NCAM1: variants seen among roughly 807,000 people sequenced by gnomAD.
NCAM1 encodes the protein antigen recognized by monoclonal antibody 5.1H11.
NCAM1 carries 14 observed loss-of-function variants against 109.8 expected under a neutral mutation model. The ratio of observed to expected loss-of-function variants is 0.13; its 90% CI spans 0.08 to 0.20. NCAM1 has a LOEUF of 0.20. Among genes scored for constraint, NCAM1 ranks in the 10% least tolerant of loss-of-function variants. The pLI, the probability that NCAM1 is intolerant of heterozygous loss-of-function variation, is 1.00. For synonymous variants in NCAM1, 418 were observed against 442.9 expected (o/e 0.94, Z 0.70); for missense variants, 774 against 1,109.9 (o/e 0.70, Z 4.30).
intron 1 of NCAM1, among the ~76,000 whole-genome samples, chr11:113,016,875 C>G (rs1255818402): frequency 6.6e-6 from 1 of 152,204 alleles, no homozygotes. Flanking sequence ...GAAATTATTT[C>G]TGCATGCACC....
At chr11:113,246,664 T>C (rs911055954) in intron 15 of NCAM1, among the ~76,000 whole-genome samples, 4 of 152,252 alleles carry the variant, frequency 2.6e-5, no homozygotes, top group African/African-American at 9.6e-5. Context: ...TTTTACCAGA[T>C]GGTTCATAAA....
intron 1 of NCAM1, among the ~76,000 whole-genome samples, chr11:113,168,323 T>C (rs1454280864): frequency 6.6e-6 from 1 of 152,222 alleles, no homozygotes; most frequent in African/African-American, 2.4e-5. Context: ...CAATTCACTT[T>C]TACTGCTTTT....
Position 113,200,999 on chromosome 11 carries a change from G to A in NCAM1, c.53-1380G>A, listed in dbSNP as rs143454850. Reference sequence around the variant, plus strand: ...CCCTCTGATTTTCACAGATGACAGCGTCAGCATCTTCCCCCTGCCTCTGCC... The same window carrying A: ...CCCTCTGATTTTCACAGATGACAGCATCAGCATCTTCCCCCTGCCTCTGCC... On this transcript the variant is annotated intron_variant, in intron 1 of 19. Transcript: ENST00000316851. Among the ~76,000 whole-genome samples the A allele has an allele frequency of 2.3e-3, 356 of 152,138 alleles. 5 individuals carry two copies. The highest frequency in any genetic ancestry group is 7.9e-3 in the African/African-American group (329 of 41,488).
At chr11:113,262,696 G>A in intron 17 of NCAM1, 7 of 800,608 alleles carry the variant, frequency 8.7e-6, no homozygotes, top group South Asian at 4.7e-5. Flanking sequence ...CTCTGTTTCT[G>A]TCTCTACCTT....
intron 14 of NCAM1, among the ~76,000 whole-genome samples, chr11:113,237,923 GATAT>G (rs1456993954): frequency 6.9e-4 from 15 of 21,780 alleles, no homozygotes; most frequent in Admixed American, 2.1e-3. Flanking sequence ...TAGATATATA[GATAT>G]AGATATATAG....
chr11:113,091,326 A>G (rs970746850), intron 1 of NCAM1, among the ~76,000 whole-genome samples: 1 of 152,114 alleles, frequency 6.6e-6, no homozygotes, highest in African/African-American at 2.4e-5. Flanking sequence ...GCTTTCTGCC[A>G]GGGATATCTT....
intron 7 of NCAM1, among the ~76,000 whole-genome samples, chr11:113,213,993 T>C (rs1441837127): frequency 2.0e-5 from 3 of 152,182 alleles, no homozygotes; most frequent in Non-Finnish European, 2.9e-5. Context: ...TTTTATTCAG[T>C]CAGTTTCCTA....
chr11:113,049,538 G>T (rs142001789), intron 1 of NCAM1, among the ~76,000 whole-genome samples: 1 of 152,154 alleles, frequency 6.6e-6, no homozygotes, highest in African/African-American at 2.4e-5. Context: ...TTTGAGCCAG[G>T]GTGATGATTC....
intron 1 of NCAM1, among the ~76,000 whole-genome samples, chr11:113,171,300 A>T (rs1460756194): frequency 6.6e-6 from 1 of 152,146 alleles, no homozygotes; most frequent in East Asian, 1.9e-4. Flanking sequence ...TTCCCAAAGG[A>T]TAGTTTGGGG....
intron 1 of NCAM1, among the ~76,000 whole-genome samples, chr11:113,153,960 A>G (rs1179772264): frequency 6.6e-6 from 1 of 152,264 alleles, no homozygotes; most frequent in Non-Finnish European, 1.5e-5. Flanking sequence ...TTGAACAAAT[A>G]TTTATTGAGC....
chr11:113,110,472 T>A (rs539735536), intron 1 of NCAM1, among the ~76,000 whole-genome samples: 1 of 152,276 alleles, frequency 6.6e-6, no homozygotes, highest in South Asian at 2.1e-4. Flanking sequence ...TCCCCTAAAT[T>A]CATGCCCTAT....
At chr11:113,229,627 T>C (rs531662014) in intron 9 of NCAM1, among the ~76,000 whole-genome samples, 5 of 152,214 alleles carry the variant, frequency 3.3e-5, no homozygotes, top group Non-Finnish European at 5.9e-5. Flanking sequence ...TAAAGACACA[T>C]GCACACGTAT....
chr11:112,968,643 G>A (rs779006125), intron 1 of NCAM1, among the ~76,000 whole-genome samples: 6 of 152,130 alleles, frequency 3.9e-5, no homozygotes, highest in Non-Finnish European at 8.8e-5. Flanking sequence ...TAGTAGTACA[G>A]AGAAATATAG....
At chr11:113,184,325 A>C (rs1256383916) in intron 1 of NCAM1, among the ~76,000 whole-genome samples, 3 of 152,322 alleles carry the variant, frequency 2.0e-5, no homozygotes, top group Non-Finnish European at 4.4e-5. Flanking sequence ...GCACCTGTAG[A>C]GGTTTAAAAT....
chr11:113,234,107 T>C (rs1945091547), intron 13 of NCAM1, among the ~76,000 whole-genome samples: 1 of 151,942 alleles, frequency 6.6e-6, no homozygotes, highest in South Asian at 2.1e-4. Flanking sequence ...CTTCTTCAGC[T>C]TCTCGGGGGA....
At chr11:113,226,486 A>C (rs1944849316) in intron 9 of NCAM1, among the ~76,000 whole-genome samples, 1 of 152,202 alleles carries the variant, frequency 6.6e-6, no homozygotes, top group South Asian at 2.1e-4. Context: ...ATAATGGGAG[A>C]CTTTAACACC....
intron 1 of NCAM1, among the ~76,000 whole-genome samples, chr11:113,150,518 G>A (rs1343115925): frequency 6.6e-6 from 1 of 152,170 alleles, no homozygotes; most frequent in African/African-American, 2.4e-5. Context: ...GCTTTATTAA[G>A]CATCTTTCAT....
chr11:113,103,699 G>A (rs1939987381), intron 1 of NCAM1, among the ~76,000 whole-genome samples: 1 of 152,086 alleles, frequency 6.6e-6, no homozygotes, highest in South Asian at 2.1e-4. Context: ...GGTCCCCAAA[G>A]TTTATCTGTG....
At chr11:113,141,627 G>A (rs1330290651) in intron 1 of NCAM1, among the ~76,000 whole-genome samples, 1 of 152,124 alleles carries the variant, frequency 6.6e-6, no homozygotes, top group Non-Finnish European at 1.5e-5. Flanking sequence ...CCAGCCTGGC[G>A]ACAGAGGGAG....
Sources: gnomAD v4.1 joint callset for allele counts (sites outside exome capture counted in the v4.1 genomes callset) on GRCh38, gnomAD v4.1.1 for gene constraint, MANE v1.5 for transcripts, NCBI Gene and HGNC (gene_info 2026-07-23, HGNC 2026-07-21) for gene names.